The following SP100 variants were observed in gnomAD, a reference collection of about 807,000 sequenced individuals.
The protein encoded by SP100 is nuclear autoantigen Sp-100.
In SP100, 84 loss-of-function variants were observed where a neutral mutation model predicts 130.0. The ratio of observed to expected loss-of-function variants is 0.65; its 90% CI spans 0.54 to 0.77. The LOEUF is 0.77. Ranked by LOEUF, SP100 falls within the 30% of genes least tolerant of loss-of-function variation. The pLI, the probability that SP100 is intolerant of heterozygous loss-of-function variation, is 0.00. For missense variants in SP100, 978 were observed against 1,052.2 expected, an observed-to-expected ratio of 0.93 and a Z score of 0.97; for synonymous variants, 331 against 351.7, an observed-to-expected ratio of 0.94 and a Z score of 0.66.
chr2:230,503,107 A>C lies in SP100; in HGVS notation c.1762A>C (p.Arg588=). The C allele has an allele frequency of 6.3e-7, 1 of 1,593,206 alleles. No individual in the cohort carries two copies. The highest frequency in any genetic ancestry group is 8.6e-7 in the Non-Finnish European group (1 of 1,163,866). ...TAGACCTTTGAAAAGAAGAAGAAAA[A>C]GAGGTAAATAGAAGTGATCGATATG... ...NTRPLKRRRK[R]GPRIPKDENI... The change falls in exon 20 of 29, where the codon AGA becomes CGA. Residue 588 remains arginine, a synonymous_variant. Coordinates refer to ENST00000340126, the MANE Select transcript of SP100 (RefSeq NM_001080391.2).
chr2:230,455,230 T>C (rs1286239419), intron 8 of SP100, among the ~76,000 whole-genome samples: 1 of 152,020 alleles, frequency 6.6e-6, no homozygotes, highest in Admixed American at 6.6e-5. Flanking sequence ...TCTGACTAAT[T>C]TTTTTTAGTT....
rs143605607 is a variant in SP100, at chr2:230,470,081, C to A, written c.1412C>A (p.Ser471Tyr). 53 of 1,609,640 alleles carry A rather than the reference C, an allele frequency of 3.3e-5. No individual in the cohort carries two copies. In the African/African-American group the frequency reaches 5.4e-4, roughly 16 times the overall value. ...GEELQETCSS[S>Y]LRRGSGSQPQ... ...GAGCTTCAGGAAACCTGCAGCTCAT[C>A]CCTAAGAAGAGGGTCAGGTAAAGAA... The change falls in exon 15 of 29, where the codon TCC becomes TAC. Residue 471 changes from serine (S) to tyrosine (Y), a missense_variant. Ser to Tyr is a moderately radical substitution (Grantham distance 144, BLOSUM62 -2). Transcript: ENST00000340126.
At chr2:230,489,014 A>G (rs185458046) in intron 17 of SP100, among the ~76,000 whole-genome samples, 2 of 152,248 alleles carry the variant, frequency 1.3e-5, no homozygotes, top group East Asian at 3.9e-4. Context: ...AGGTTTTGGT[A>G]TCAGGATGAT....
At chr2:230,475,839 A>G (rs1435945402) in intron 17 of SP100, among the ~76,000 whole-genome samples, 1 of 152,146 alleles carries the variant, frequency 6.6e-6, no homozygotes, top group Non-Finnish European at 1.5e-5. Flanking sequence ...TGAAGATCAG[A>G]TGGTTGTAAG....
At chr2:230,447,677 A>G (rs957427189) in intron 5 of SP100, among the ~76,000 whole-genome samples, 3 of 152,246 alleles carry the variant, frequency 2.0e-5, no homozygotes, top group Non-Finnish European at 2.9e-5. Context: ...GGAAGGGCAC[A>G]GAGCTTCTGC....
intron 15 of SP100, chr2:230,470,449 T>C: frequency 1.0e-6 from 1 of 987,252 alleles, no homozygotes; most frequent in Non-Finnish European, 1.2e-6. Context: ...TTGTCATTTG[T>C]AATTGTAAAG....
At chr2:230,419,966 C>CT (rs1043733319) in intron 2 of SP100, among the ~76,000 whole-genome samples, 1 of 152,026 alleles carries the variant, frequency 6.6e-6, no homozygotes, top group African/African-American at 2.4e-5. Context: ...GTTCTGTAAC[C>CT]TACCTTACTG....
Position 230,466,291 on chromosome 2 carries a change from T to C in SP100, c.1142-10T>C, listed in dbSNP as rs757471860. 2.6e-6 allele frequency: 4 copies of C among 1,545,236 alleles called. No homozygotes were observed. In the African/African-American group the frequency reaches 5.5e-5, roughly 21 times the overall value. On this transcript the variant is annotated splice_polypyrimidine_tract_variant and intron_variant, in intron 11 of 28. Transcript: ENST00000340126. ...ATACAAATAACGGGTTTCTCCCTTT[T>C]ACTTTACAGAGCCCATGGATTTCAG...
chr2:230,440,660 G>T, intron 2 of SP100: 1 of 1,116,574 alleles, frequency 9.0e-7, no homozygotes, highest in Non-Finnish European at 1.2e-6. Flanking sequence ...CCAAAAAAAA[G>T]TCCTAAAGTT....
chr2:230,476,220 T>C (rs1030494281), intron 17 of SP100, among the ~76,000 whole-genome samples: 10 of 152,210 alleles, frequency 6.6e-5, no homozygotes, highest in African/African-American at 1.4e-4. Flanking sequence ...CTTTCAGCAG[T>C]GTTTTGTACT....
intron 17 of SP100, among the ~76,000 whole-genome samples, chr2:230,493,576 A>G (rs765682455): frequency 6.6e-6 from 1 of 152,000 alleles, no homozygotes; most frequent in Non-Finnish European, 1.5e-5. Flanking sequence ...TATTTCTGTA[A>G]TCTATGTCCT....
Position 230,511,112 on chromosome 2 carries a change from T to G in SP100, c.2053-13T>G. ...ACTCAATATTGTACCAATCTTTCTG[T>G]TTTTTTCAACAGAGAATACTGGAAT... On this transcript the variant is annotated splice_polypyrimidine_tract_variant and intron_variant, in intron 23 of 28. Coordinates refer to ENST00000340126, the MANE Select transcript of SP100 (RefSeq NM_001080391.2). 1 of 1,587,394 alleles carries G rather than the reference T, an allele frequency of 6.3e-7. No homozygotes were observed. Among genetic ancestry groups the G allele is most frequent in the South Asian group, 1.1e-5 (1 of 90,458 alleles).
At chr2:230,482,191 A>G (rs2065865925) in intron 17 of SP100, among the ~76,000 whole-genome samples, 1 of 152,196 alleles carries the variant, frequency 6.6e-6, no homozygotes, top group African/African-American at 2.4e-5. Context: ...AATCTTGTTT[A>G]AGAAATCTTG....
rs753089909 is a variant in SP100 at position 230,540,942 on chromosome 2, A to T, written c.2277A>T (p.Ser759=). The T allele has an allele frequency of 2.7e-5, 43 of 1,613,674 alleles. No individual in the cohort carries two copies. The highest frequency in any genetic ancestry group is 1.0e-4 in the Admixed American group (6 of 59,998). Residue 759 remains serine (S), a synonymous_variant, in exon 26 of 29, where the codon TCA becomes TCT. Transcript: ENST00000340126. ...TIQERCPESQ[S]GHQESEVLMR... is the part of the protein sequence containing the mutation. ...AGGAAAGATGCCCAGAAAGCCAATC[A>T]GGTCATCAGGAATCTGAAGTCCTGA...
At position 230,542,850 on chromosome 2, in the gene SP100, C is replaced by A; in HGVS notation, c.2562C>A (p.Thr854=). ...TGCTTTTTTAGGAAGATAAATTCAC[C>A]AGACTGGGAATTCAAGTACAGGACA... is the stretch of plus-strand genomic sequence containing the variant. ...HKEFYREDKF[T]RLGIQVQDIF... Residue 854 remains threonine, a synonymous_variant, in exon 29 of 29, where the codon ACC becomes ACA. Transcript: ENST00000340126. 6.2e-7 allele frequency: 1 copy of A among 1,606,164 alleles called. No homozygotes were observed. Among genetic ancestry groups the A allele is most frequent in the South Asian group, 1.1e-5 (1 of 90,584 alleles).
At chr2:230,434,484 C>T (rs899832147) in intron 2 of SP100, among the ~76,000 whole-genome samples, 3 of 152,172 alleles carry the variant, frequency 2.0e-5, no homozygotes, top group African/African-American at 7.2e-5. Context: ...CAGACAAAAT[C>T]TCTGCCCTCA....
At chr2:230,524,738 G>T (rs989476453) in intron 24 of SP100, among the ~76,000 whole-genome samples, 9 of 152,072 alleles carry the variant, frequency 5.9e-5, no homozygotes, top group Non-Finnish European at 1.0e-4. Flanking sequence ...TATGATATGG[G>T]GAAACATGTT....
intron 24 of SP100, among the ~76,000 whole-genome samples, chr2:230,530,209 A>G (rs1056890159): frequency 6.6e-6 from 1 of 152,238 alleles, no homozygotes; most frequent in Non-Finnish European, 1.5e-5. Flanking sequence ...CCAAAACAGC[A>G]TGGTACTGGT....
chr2:230,534,334 A>T (rs1691833444), intron 24 of SP100, among the ~76,000 whole-genome samples: 1 of 152,196 alleles, frequency 6.6e-6, no homozygotes. Context: ...TGAACCCAGG[A>T]GGCGGAGGTT....
Sources: allele counts gnomAD v4.1 joint callset (sites outside exome capture counted in the v4.1 genomes callset), GRCh38; gene constraint gnomAD v4.1.1; transcripts MANE v1.5; gene names NCBI Gene and HGNC (gene_info 2026-07-23, HGNC 2026-07-21).